The following HS3ST2 variants were observed in gnomAD, a reference collection of about 807,000 sequenced individuals.
HS3ST2 encodes heparan sulfate glucosamine 3-O-sulfotransferase 2.
In HS3ST2, 17 loss-of-function variants were observed where a neutral mutation model predicts 26.3. The ratio of observed to expected loss-of-function variants is 0.65; its 90% confidence interval spans 0.44 to 0.97. The LOEUF (loss-of-function observed/expected upper bound fraction) is 0.97. HS3ST2 is among the 50% of genes least tolerant of loss of function. HS3ST2 has a pLI of 0.00. For missense variants in HS3ST2, 402 were observed against 501.2 expected (o/e 0.80, Z 1.89); for synonymous variants, 237 against 219.2 (o/e 1.08, Z -0.72).
chr16:22,893,191 G>C (rs568031219), intron 1 of HS3ST2, among the ~76,000 whole-genome samples: 12 of 152,012 alleles, frequency 7.9e-5, no homozygotes, highest in Admixed American at 7.9e-4. Flanking sequence ...GTCTTTGGGC[G>C]GGTTACTTCT....
chr16:22,814,539 C>A lies in HS3ST2; in HGVS notation c.-72C>A. ...GCGCCACGCGAGCCCTCTAGGCGACCGCAGGGCCACAGCAGCTCAGCCGCC... is the reference window on the plus strand; with the variant it reads ...GCGCCACGCGAGCCCTCTAGGCGACAGCAGGGCCACAGCAGCTCAGCCGCC... On this transcript the variant is annotated 5_prime_UTR_variant, in exon 1 of 2. Transcript: ENST00000261374. 2 of 1,417,996 alleles carry A rather than the reference C, an allele frequency of 1.4e-6. No individual in the cohort carries two copies. The highest frequency in any genetic ancestry group is 2.7e-5 in the East Asian group (1 of 36,422). The allele number at this position is 1,417,996 out of a possible 1,614,324, so 87.8% of individuals were successfully genotyped here. A position where few individuals can be genotyped will look rare whatever the true frequency, so the allele number is the denominator to read the frequency against.
At chr16:22,838,401 G>C (rs9935677) in intron 1 of HS3ST2, among the ~76,000 whole-genome samples, 1 of 152,106 alleles carries the variant, frequency 6.6e-6, no homozygotes, top group Non-Finnish European at 1.5e-5. Flanking sequence ...GGATCAAAGA[G>C]GCTTTTTTGA....
intron 1 of HS3ST2, among the ~76,000 whole-genome samples, chr16:22,868,294 A>T (rs1046348952): frequency 6.6e-6 from 1 of 151,464 alleles, no homozygotes; most frequent in Non-Finnish European, 1.5e-5. Context: ...CCGTAGTCCC[A>T]GCTACCTGGG....
At chr16:22,890,446 T>A (rs1902113090) in intron 1 of HS3ST2, among the ~76,000 whole-genome samples, 1 of 152,258 alleles carries the variant, frequency 6.6e-6, no homozygotes, top group Non-Finnish European at 1.5e-5. Flanking sequence ...TCTTTGTGAT[T>A]GCTTTTATCT....
intron 1 of HS3ST2, among the ~76,000 whole-genome samples, chr16:22,846,916 G>A (rs965760830): frequency 1.3e-5 from 2 of 152,186 alleles, no homozygotes; most frequent in African/African-American, 4.8e-5. Flanking sequence ...TACACAGCGT[G>A]GAGTTCCTCT....
chr16:22,820,524 T>A (rs185269588), intron 1 of HS3ST2, among the ~76,000 whole-genome samples: 1 of 152,330 alleles, frequency 6.6e-6, no homozygotes, highest in Middle Eastern at 3.4e-3. Flanking sequence ...GAGAAAGGCA[T>A]GTTTTACATG....
chr16:22,837,167 G>T (rs1384790641), intron 1 of HS3ST2, among the ~76,000 whole-genome samples: 1 of 150,276 alleles, frequency 6.7e-6, no homozygotes, highest in Non-Finnish European at 1.5e-5. Context: ...TCTAAAGTCA[G>T]ACTGTCCTGA....
chr16:22,820,176 C>G (rs1027107975), intron 1 of HS3ST2, among the ~76,000 whole-genome samples: 3 of 152,190 alleles, frequency 2.0e-5, no homozygotes, highest in Non-Finnish European at 4.4e-5. Context: ...TAAACCCCCC[C>G]CCATTTGTCT....
At chr16:22,830,082 T>C (rs1306437262) in intron 1 of HS3ST2, among the ~76,000 whole-genome samples, 1 of 152,120 alleles carries the variant, frequency 6.6e-6, no homozygotes, top group Non-Finnish European at 1.5e-5. Flanking sequence ...TCTCCACCCC[T>C]CTTTATTGTC....
At chr16:22,887,606 G>A (rs169645) in intron 1 of HS3ST2, among the ~76,000 whole-genome samples, 48,796 of 152,004 alleles carry the variant, frequency 0.32, 9,792 homozygotes, top group East Asian at 0.47. Context: ...ACAGCTGCAG[G>A]CACCTGTAGC....
rs529792304 is a variant in HS3ST2, at chr16:22,841,215, G to A, written c.485+26120G>A. ...TAGCTGGGATTACAGGCACCCACCA[G>A]CATGCCCAGCTAATTTTTTATATTT... On this transcript the variant is annotated intron_variant, in intron 1 of 1. Coordinates refer to ENST00000261374, the MANE Select transcript of HS3ST2 (RefSeq NM_006043.2). 8.6e-4 allele frequency among the ~76,000 whole-genome samples: 130 copies of A among 152,020 alleles called. 3 individuals carry two copies. The Middle Eastern group carries it at 0.034, about 40-fold the overall frequency.
intron 1 of HS3ST2, among the ~76,000 whole-genome samples, chr16:22,909,853 A>G (rs1288761723): frequency 6.6e-6 from 1 of 152,114 alleles, no homozygotes; most frequent in African/African-American, 2.4e-5. Flanking sequence ...CAGCCTGACC[A>G]ACCTGGTGAA....
intron 1 of HS3ST2, among the ~76,000 whole-genome samples, chr16:22,837,394 C>T (rs1901274739): frequency 6.6e-6 from 1 of 151,616 alleles, no homozygotes; most frequent in Non-Finnish European, 1.5e-5. Context: ...CAGTAGTCAT[C>T]CCTTATCCAG....
At chr16:22,833,715 C>T (rs1038825334) in intron 1 of HS3ST2, among the ~76,000 whole-genome samples, 1 of 152,228 alleles carries the variant, frequency 6.6e-6, no homozygotes, top group Middle Eastern at 3.4e-3. Flanking sequence ...AGTGGAATCA[C>T]ACTACATATT....
chr16:22,853,406 A>G (rs1197604470), intron 1 of HS3ST2, among the ~76,000 whole-genome samples: 2 of 152,220 alleles, frequency 1.3e-5, no homozygotes, highest in African/African-American at 4.8e-5. Context: ...GGCATCTTCC[A>G]CAGAAAAGAG....
chr16:22,826,161 G>A (rs538744691), intron 1 of HS3ST2, among the ~76,000 whole-genome samples: 1 of 152,164 alleles, frequency 6.6e-6, no homozygotes, highest in East Asian at 1.9e-4. Flanking sequence ...AAGAGAAGAA[G>A]GTACAGAGAA....
chr16:22,870,360 C>T (rs1177553026), intron 1 of HS3ST2, among the ~76,000 whole-genome samples: 1 of 152,174 alleles, frequency 6.6e-6, no homozygotes, highest in African/African-American at 2.4e-5. Context: ...TCATCTCTTT[C>T]GTGGATGACT....
At chr16:22,829,349 G>T (rs1350179282) in intron 1 of HS3ST2, among the ~76,000 whole-genome samples, 1 of 152,136 alleles carries the variant, frequency 6.6e-6, no homozygotes, top group Non-Finnish European at 1.5e-5. Flanking sequence ...ATTTATACAA[G>T]TCTTATTTAA....
chr16:22,846,461 C>G (rs2141184039), intron 1 of HS3ST2, among the ~76,000 whole-genome samples: 1 of 152,160 alleles, frequency 6.6e-6, no homozygotes. Context: ...TGGTGAGAGT[C>G]TGGGCCAAGT....
Sources: gnomAD v4.1 joint callset for allele counts (sites outside exome capture counted in the v4.1 genomes callset) on GRCh38, gnomAD v4.1.1 for gene constraint, MANE v1.5 for transcripts, NCBI Gene and HGNC (gene_info 2026-07-23, HGNC 2026-07-21) for gene names.